CASP6: variants seen among roughly 807,000 people sequenced by gnomAD.
CASP6 encodes caspase 6.
CASP6 carries 20 observed loss-of-function variants against 31.8 expected under a neutral mutation model. The ratio of observed to expected loss-of-function variants is 0.63; its 90% CI spans 0.44 to 0.91. The LOEUF is 0.91. Ranked by LOEUF, CASP6 falls within the 40% of genes least tolerant of loss-of-function variation. The pLI is 0.00. For missense variants in CASP6, 328 were observed against 361.1 expected (o/e 0.91, Z 0.74); for synonymous variants, 130 against 127.8 (o/e 1.02, Z -0.12).
chr4:109,678,918 C>CTGTAATCTTAGCACTTT, the CASP6 span, among the ~76,000 whole-genome samples: 1 of 142,792 alleles, frequency 7.0e-6, no homozygotes, highest in African/African-American at 2.7e-5. Context: ...CGGGCAGAGG[C>CTGTAATCTTAGCACTTT]GCTCCTCACA....
At chr4:109,697,583 C>T (rs550994793) in intron 3 of CASP6, 39 bp downstream of exon 3, 2 of 1,567,928 alleles carry the variant, frequency 1.3e-6, no homozygotes, top group East Asian at 2.3e-5. Flanking sequence ...AATTTTATCA[C>T]TTAACTGCCT....
chr4:109,674,098 G>A, the CASP6 span: 13 of 1,462,016 alleles, frequency 8.9e-6, no homozygotes, highest in African/African-American at 1.4e-5. Context: ...CATGTATCGG[G>A]AATTCTGGGC....
At chr4:109,700,016 G>A (rs1264732113) in intron 1 of CASP6, among the ~76,000 whole-genome samples, 1 of 152,174 alleles carries the variant, frequency 6.6e-6, no homozygotes. Context: ...GTCCTCCTCG[G>A]TGGCAGCAGG....
chr4:109,698,466 G>A, intron 1 of CASP6, 124 bp from the exon 2 acceptor site: 1 of 685,830 alleles, frequency 1.5e-6, no homozygotes. Context: ...TAGTTTAAAA[G>A]CCAAAGTATG....
intron 1 of CASP6, among the ~76,000 whole-genome samples, chr4:109,701,738 T>C (rs1730426059): frequency 6.6e-6 from 1 of 152,206 alleles, no homozygotes; most frequent in Admixed American, 6.5e-5. Context: ...CCAGCTACCA[T>C]TTGTTGATGG....
chr4:109,674,627 G>A, the CASP6 span, among the ~76,000 whole-genome samples: 1 of 152,218 alleles, frequency 6.6e-6, no homozygotes, highest in African/African-American at 2.4e-5. Flanking sequence ...ATATGTGCAT[G>A]TGTTTAAACC....
chr4:109,704,247 A>G (rs1730531768), upstream of CASP6, among the ~76,000 whole-genome samples: 1 of 152,268 alleles, frequency 6.6e-6, no homozygotes. Flanking sequence ...TTAGTGAGGA[A>G]GTAATGTTGG....
At chr4:109,705,828 T>A (rs898333684), upstream of CASP6, among the ~76,000 whole-genome samples, 4 of 148,382 alleles carry the variant, frequency 2.7e-5, no homozygotes, top group African/African-American at 7.4e-5. Context: ...TTTTTTTTTT[T>A]AATTAGCCAA....
chr4:109,684,829 A>G (rs145426554), downstream of CASP6: 60 of 515,584 alleles, frequency 1.2e-4, no homozygotes, highest in East Asian at 1.7e-3. Context: ...GAAATTATAT[A>G]TAACTTCTTT....
chr4:109,697,131 T>C (rs370400999), intron 3 of CASP6, among the ~76,000 whole-genome samples: 16 of 152,072 alleles, frequency 1.1e-4, no homozygotes, highest in African/African-American at 3.9e-4. Flanking sequence ...GCAAGGCCCA[T>C]GCTCCAACAC....
At chr4:109,693,288 T>G (rs1055586290) in intron 5 of CASP6, among the ~76,000 whole-genome samples, 5 of 152,248 alleles carry the variant, frequency 3.3e-5, no homozygotes, top group Admixed American at 2.0e-4. Context: ...TCTCAGGTCT[T>G]TATAGCAATG....
the CASP6 span, among the ~76,000 whole-genome samples, chr4:109,679,380 C>T: frequency 6.6e-6 from 1 of 152,214 alleles, no homozygotes; most frequent in Non-Finnish European, 1.5e-5. Context: ...GTGAGCGAGA[C>T]TCCGTCTGCA....
the CASP6 span, among the ~76,000 whole-genome samples, chr4:109,670,035 C>A: frequency 6.6e-6 from 1 of 152,226 alleles, no homozygotes; most frequent in Non-Finnish European, 1.5e-5. Flanking sequence ...GATGCTTATT[C>A]TGTCTGTTCA....
At chr4:109,682,139 T>G in the CASP6 span, among the ~76,000 whole-genome samples, 1 of 152,236 alleles carries the variant, frequency 6.6e-6, no homozygotes, top group South Asian at 2.1e-4. Flanking sequence ...CCTTCCCAGC[T>G]AGGCTTAGGG....
At chr4:109,682,684 A>T in the CASP6 span, 1 of 1,613,598 alleles carries the variant, frequency 6.2e-7, no homozygotes, top group Non-Finnish European at 8.5e-7. Flanking sequence ...AAAAAGAGAG[A>T]GCACCATTTA....
chr4:109,680,379 G>A, the CASP6 span, among the ~76,000 whole-genome samples: 1 of 152,034 alleles, frequency 6.6e-6, no homozygotes, highest in African/African-American at 2.4e-5. Context: ...TGTTCACCCT[G>A]CCCATTCTGT....
chr4:109,671,528 A>G, the CASP6 span, among the ~76,000 whole-genome samples: 1 of 152,114 alleles, frequency 6.6e-6, no homozygotes, highest in East Asian at 1.9e-4. Context: ...CATCAAAGGC[A>G]TTCTTCATTT....
In CASP6 at chr4:109,690,922, C is replaced by G; in HGVS notation, c.571G>C (p.Glu191Gln). ...QTEKLDTNIT[E>Q]VDAASVYTLP... ...GTGTAAACGGAGGCTGCATCCACCTCAGTTATGTTGGTGTCCAACTTCTCT... is the reference window on the plus strand; with the variant it reads ...GTGTAAACGGAGGCTGCATCCACCTGAGTTATGTTGGTGTCCAACTTCTCT... The change falls in exon 6 of 7, where the codon GAG (glutamate) becomes CAG (glutamine). Residue 191 changes from glutamate to glutamine, a missense_variant. Coordinates refer to ENST00000265164, the MANE Select transcript of CASP6 (RefSeq NM_001226.4). 6.2e-7 allele frequency: 1 copy of G among 1,613,778 alleles called. No homozygotes were observed. The highest frequency in any genetic ancestry group is 1.1e-5 in the South Asian group (1 of 91,000).
rs1392400175 is a variant in CASP6 at position 109,688,802 on chromosome 4, T to TTATC, written c.*524_*527dup. On this transcript the variant is annotated 3_prime_UTR_variant, in exon 7 of 7. Coordinates refer to ENST00000265164, the MANE Select transcript of CASP6 (RefSeq NM_001226.4). ...AATACAAATGCTTATAAATTTTTAT[T>TTATC]TATCTAATTTCCTGAGGATTTTGTT... 3 of 152,040 alleles carry TTATC rather than the reference T, an allele frequency of 2.0e-5. No homozygotes were observed. Among genetic ancestry groups the TTATC allele is most frequent in the Non-Finnish European group, 4.4e-5 (3 of 67,996 alleles). 9.4% of individuals were successfully genotyped at this position (152,040 alleles called of 1,614,324 possible). A position where few individuals can be genotyped will look rare whatever the true frequency, so the allele number is the denominator to read the frequency against.
Sources: gnomAD v4.1 joint callset for allele counts (sites outside exome capture counted in the v4.1 genomes callset) on GRCh38, gnomAD v4.1.1 for gene constraint, MANE v1.5 for transcripts, NCBI Gene and HGNC (gene_info 2026-07-23, HGNC 2026-07-21) for gene names.